Variants in COL4A1 observed in about 807,000 individuals in gnomAD.
COL4A1 encodes collagen type IV alpha 1 chain, also known as collagen alpha-1(IV) chain.
In COL4A1, 40 loss-of-function variants were observed where a neutral mutation model predicts 216.6. The ratio of observed to expected loss-of-function variants is 0.18; its 90% CI spans 0.14 to 0.24. The LOEUF (loss-of-function observed/expected upper bound fraction) is 0.24, where lower values mean the gene tolerates loss of function less well. Among genes scored for constraint, COL4A1 ranks in the 10% least tolerant of loss-of-function variants. The probability of loss-of-function intolerance (pLI) is 1.00; values close to 1 mark genes in which losing one functional copy is unlikely to be tolerated. For synonymous variants in COL4A1, 839 were observed against 810.7 expected, an observed-to-expected ratio of 1.03 and a Z score of -0.59; for missense variants, 1,628 against 2,196.8, an observed-to-expected ratio of 0.74 and a Z score of 5.18.
intron 28 of COL4A1, 114 bp from the exon 29 acceptor site, chr13:110,181,503 G>A (rs1477291251): frequency 9.0e-7 from 1 of 1,114,756 alleles, no homozygotes; most frequent in African/African-American, 1.5e-5. Context: ...GATCTGAGAA[G>A]GTCAACTGTG....
chr13:110,217,769 C>T (rs368570412), intron 2 of COL4A1, among the ~76,000 whole-genome samples: 3 of 152,074 alleles, frequency 2.0e-5, no homozygotes, highest in East Asian at 3.9e-4. Context: ...GAACAAAGTG[C>T]CATTGTCTAT....
At chr13:110,166,369 T>C (rs1016670671) in intron 44 of COL4A1, 66 bp from the exon 45 acceptor site, 10 of 996,758 alleles carry the variant, frequency 1.0e-5, no homozygotes, top group Non-Finnish European at 1.6e-5. Flanking sequence ...TGTGTGTGTA[T>C]ATATCTCTCT....
intron 28 of COL4A1, among the ~76,000 whole-genome samples, chr13:110,181,904 C>G (rs1878174341): frequency 1.3e-5 from 2 of 152,214 alleles, no homozygotes; most frequent in South Asian, 4.1e-4. Context: ...AGCTGGCCAG[C>G]CACTAGTTCA....
chr13:110,276,981 A>G (rs1229791648), intron 1 of COL4A1, among the ~76,000 whole-genome samples: 1 of 152,190 alleles, frequency 6.6e-6, no homozygotes, highest in Non-Finnish European at 1.5e-5. Flanking sequence ...GCAGGGACCC[A>G]CTGGGATCCT....
Position 110,219,928 on chromosome 13 carries a change from ATG to A in COL4A1, c.145-5915_145-5914del, listed in dbSNP as rs1184084967. 1.4e-3 allele frequency among the ~76,000 whole-genome samples: 154 copies of A among 107,408 alleles called. 9 individuals are homozygous for A. The highest frequency in any genetic ancestry group is 4.3e-3 in the African/African-American group (118 of 27,412). 70.5% of individuals were successfully genotyped at this position (107,408 alleles called of 152,430 possible). On this transcript the variant is annotated intron_variant, in intron 2 of 51. Transcript: ENST00000375820. ...TATATATATGTGTGTATATATATGT[ATG>A]TATATGTGTGTGTATATATACACAT...
At chr13:110,192,642 T>C (rs1052344235) in intron 23 of COL4A1, among the ~76,000 whole-genome samples, 188 bp downstream of exon 23, 1 of 152,180 alleles carries the variant, frequency 6.6e-6, no homozygotes, top group East Asian at 1.9e-4. Flanking sequence ...GAAATCTTTA[T>C]GAGGCCATCT....
chr13:110,219,676 ATG>A (rs1238703214), intron 2 of COL4A1, among the ~76,000 whole-genome samples: 13 of 82,682 alleles, frequency 1.6e-4, no homozygotes, highest in East Asian at 6.6e-4. Context: ...ATATATATAT[ATG>A]TGTATATATA....
intron 1 of COL4A1, among the ~76,000 whole-genome samples, chr13:110,296,010 C>T (rs144001297): frequency 1.0e-3 from 155 of 152,334 alleles, no homozygotes; most frequent in Admixed American, 1.8e-3. Context: ...CAGCCCTGCG[C>T]CTCTCCCACT....
At chr13:110,289,530 G>T (rs980912383) in intron 1 of COL4A1, among the ~76,000 whole-genome samples, 1 of 152,100 alleles carries the variant, frequency 6.6e-6, no homozygotes, top group Non-Finnish European at 1.5e-5. Flanking sequence ...TGAGTTCACC[G>T]ATTTCTTGGT....
chr13:110,307,081 C>G lies in COL4A1; in HGVS notation c.-54G>C. On this transcript the variant is annotated 5_prime_UTR_variant, in exon 1 of 52. Transcript: ENST00000375820. This position sits in a 1 kb window ranked among gnomAD's most constrained non-coding sequence, Gnocchi z 5.0. ...GCTGCCCGGCGTGCGGGGGCCGCGG[C>G]GGACAGCTAGCTCTCGGAAGGCCGG... The G allele has an allele frequency of 7.4e-7, 1 of 1,356,516 alleles. No individual in the cohort carries two copies. Among genetic ancestry groups the G allele is most frequent in the Admixed American group, 3.1e-5 (1 of 32,548 alleles). The allele number at this position is 1,356,516 out of a possible 1,614,324, so 84.0% of individuals were successfully genotyped here. A position where few individuals can be genotyped will look rare whatever the true frequency, so the allele number is the denominator to read the frequency against.
chr13:110,209,463 G>C, intron 10 of COL4A1, 36 bp from the exon 11 acceptor site: 1 of 1,449,640 alleles, frequency 6.9e-7, no homozygotes, highest in Non-Finnish European at 9.6e-7. Context: ...ATAGGATTCA[G>C]AACTCTAGGG....
chr13:110,183,209 C>A lies in COL4A1; in HGVS notation c.1965G>T (p.Gly655=), dbSNP rs564141966. The part of the protein sequence containing the change: ...PGPPGAEGLP[G]SPGFPGPQGD... ...CTTGGGGACCTGGGAAGCCTGGGGA[C>A]CCCGGCAGTCCTTCTGCTCCAGGGG... The change falls in exon 27 of 52, where the codon GGG becomes GGT. Residue 655 remains glycine, a synonymous_variant. Transcript: ENST00000375820. 3.7e-6 allele frequency: 6 copies of A among 1,613,882 alleles called. No homozygotes were observed. The South Asian group carries it at 5.5e-5, about 15-fold the overall frequency.
At chr13:110,187,049 T>C in intron 25 of COL4A1, 89 bp downstream of exon 25, 2 of 1,490,134 alleles carry the variant, frequency 1.3e-6, no homozygotes, top group Non-Finnish European at 1.9e-6. Context: ...GAGATAGAAA[T>C]ACATCAATAT....
chr13:110,271,993 A>G (rs759596411), intron 1 of COL4A1, among the ~76,000 whole-genome samples: 7 of 152,352 alleles, frequency 4.6e-5, no homozygotes, highest in Non-Finnish European at 1.0e-4. Flanking sequence ...TTACAGGTAC[A>G]CTACCCAAAG....
At chr13:110,159,189 A>C (rs1876945065) in intron 49 of COL4A1, among the ~76,000 whole-genome samples, 1 of 152,232 alleles carries the variant, frequency 6.6e-6, no homozygotes, top group Admixed American at 6.5e-5. Flanking sequence ...GTGCGGATAA[A>C]CACTCAAGGG....
chr13:110,222,596 A>T (rs1594597442), intron 2 of COL4A1, among the ~76,000 whole-genome samples: 1 of 147,210 alleles, frequency 6.8e-6, no homozygotes, highest in Admixed American at 7.0e-5. Flanking sequence ...ACATGGTGAA[A>T]CCCCGTCTCT....
At chr13:110,225,075 A>G (rs1252973713) in intron 2 of COL4A1, among the ~76,000 whole-genome samples, 2 of 152,052 alleles carry the variant, frequency 1.3e-5, no homozygotes, top group Admixed American at 6.6e-5. Flanking sequence ...ATTTATCAAA[A>G]TTGGGTTTTA....
chr13:110,199,969 G>A (rs1038746457), intron 20 of COL4A1, among the ~76,000 whole-genome samples: 26 of 152,304 alleles, frequency 1.7e-4, no homozygotes, highest in African/African-American at 5.3e-4. Flanking sequence ...TGAGCCAGGC[G>A]TGGGCTGTGT....
intron 19 of COL4A1, 86 bp downstream of exon 19, chr13:110,201,352 G>C: frequency 1.2e-6 from 1 of 867,440 alleles, no homozygotes; most frequent in Non-Finnish European, 1.8e-6. Flanking sequence ...ACAGGAGGAG[G>C]AGGAGGAAGA....
Sources: allele counts gnomAD v4.1 joint callset (sites outside exome capture counted in the v4.1 genomes callset), GRCh38; gene constraint gnomAD v4.1.1; non-coding constraint Gnocchi (gnomAD v3.1); transcripts MANE v1.5; gene names NCBI Gene and HGNC (gene_info 2026-07-23, HGNC 2026-07-21).